KRT78: variants seen among roughly 807,000 people sequenced by gnomAD.
KRT78 encodes keratin, type II cytoskeletal 78.
In KRT78, 55 loss-of-function variants were observed where a neutral mutation model predicts 51.4. The ratio of observed to expected loss-of-function variants is 1.07; its 90% CI spans 0.86 to 1.34. The LOEUF is 1.34. Among genes scored for constraint, KRT78 ranks in the 40% most tolerant of loss-of-function variants. The pLI, the probability that KRT78 is intolerant of heterozygous loss-of-function variation, is 0.00. For missense variants in KRT78, 652 were observed against 649.4 expected (o/e 1.00, Z -0.04); for synonymous variants, 291 against 264.3 (o/e 1.10, Z -0.98).
intron 6 of KRT78, among the ~76,000 whole-genome samples, chr12:52,840,724 G>T (rs1176378575): frequency 1.3e-5 from 2 of 151,950 alleles, no homozygotes; most frequent in African/African-American, 4.8e-5. Flanking sequence ...GAAAGAAGAA[G>T]AGAGAGGCAG....
In KRT78 at chr12:52,846,759, C is replaced by T. The variant is rs772582121; in HGVS notation, c.660+5G>A. On this transcript the variant is annotated splice_donor_5th_base_variant and intron_variant, in intron 3 of 8. Coordinates refer to ENST00000304620, the MANE Select transcript of KRT78 (RefSeq NM_173352.4). The stretch of plus-strand genomic sequence containing the variant: ...CGTAAGTGGAGCACTGGCCCCCACC[C>T]TCACCTTCTTGAGGACCACAAAGTC... 1 of 1,613,198 alleles carries T rather than the reference C, an allele frequency of 6.2e-7. No individual in the cohort carries two copies. Among genetic ancestry groups the T allele is most frequent in the East Asian group, 2.2e-5 (1 of 44,856 alleles).
chr12:52,847,849 C>A, intron 2 of KRT78, 58 bp downstream of exon 2: 1 of 1,525,416 alleles, frequency 6.6e-7, no homozygotes. Context: ...CTGACAGACC[C>A]AAACTGAGTC....
chr12:52,841,169 T>C (rs1399950622), intron 6 of KRT78, among the ~76,000 whole-genome samples: 1 of 152,116 alleles, frequency 6.6e-6, no homozygotes. Context: ...TCAAAACATA[T>C]GCCTCAATTT....
At chr12:52,846,121 TCTC>T in intron 4 of KRT78, 73 bp downstream of exon 4, 1 of 983,716 alleles carries the variant, frequency 1.0e-6, no homozygotes, top group Non-Finnish European at 1.6e-6. Flanking sequence ...TCTTGGCCAT[TCTC>T]CTCATGGCCA....
At chr12:52,844,971 A>G (rs1382884827) in intron 4 of KRT78, among the ~76,000 whole-genome samples, 2 of 150,470 alleles carry the variant, frequency 1.3e-5, no homozygotes, top group Non-Finnish European at 3.0e-5. Flanking sequence ...AAGGCCCAAA[A>G]TCACCCAGCC....
intron 7 of KRT78, 27 bp from the exon 8 acceptor site, chr12:52,839,514 TGC>T: frequency 6.4e-7 from 1 of 1,556,508 alleles, no homozygotes; most frequent in East Asian, 2.4e-5. Flanking sequence ...AAGAGGGGGA[TGC>T]GCTAAGGAAT....
In KRT78 at chr12:52,839,135, A is replaced by G. The variant is rs987145923; in HGVS notation, c.1541T>C (p.Leu514Pro). The G allele has an allele frequency of 6.2e-7, 1 of 1,613,348 alleles. No homozygotes were observed. The highest frequency in any genetic ancestry group is 8.5e-7 in the Non-Finnish European group (1 of 1,179,848). Residue 514 changes from leucine to proline, a missense_variant, in exon 9 of 9, where the codon CTG becomes CCG. Coordinates refer to ENST00000304620, the MANE Select transcript of KRT78 (RefSeq NM_173352.4). ...TILKKTVESSLKTSITY is the reference protein window; with the variant it reads ...TILKKTVESSPKTSITY ...CGCTCAGTAGGTGATGGATGTCTTC[A>G]GACTCGACTCAACTGTCTTCTTCAG... is the stretch of plus-strand genomic sequence containing the variant.
intron 1 of KRT78, 152 bp downstream of exon 1, chr12:52,848,395 A>G: frequency 7.1e-7 from 1 of 1,402,382 alleles, no homozygotes; most frequent in Non-Finnish European, 9.7e-7. Context: ...ATAGCCAGAG[A>G]GAGTCCAGTT....
chr12:52,844,861 T>G (rs534902085), intron 4 of KRT78, 138 bp from the exon 5 acceptor site: 8 of 694,928 alleles, frequency 1.2e-5, no homozygotes, highest in Non-Finnish European at 1.9e-5. Context: ...GAGTATGCCC[T>G]GCTCACCATG....
At chr12:52,847,683 T>G (rs2120429927) in intron 2 of KRT78, among the ~76,000 whole-genome samples, 1 of 152,268 alleles carries the variant, frequency 6.6e-6, no homozygotes, top group Admixed American at 6.5e-5. Context: ...TCCCTGCCTT[T>G]CCTCCAAGGT....
intron 6 of KRT78, among the ~76,000 whole-genome samples, chr12:52,843,228 A>G (rs536414414): frequency 1.6e-4 from 24 of 150,806 alleles, no homozygotes; most frequent in African/African-American, 5.8e-4. Context: ...TTAGCCAAGC[A>G]TGGTGGTGAG....
At position 52,839,386 on chromosome 12, in the gene KRT78, C is replaced by T. The variant is rs754216215; in HGVS notation, c.1304-14G>A. 3 of 1,613,404 alleles carry T rather than the reference C, an allele frequency of 1.9e-6. No homozygotes were observed. Among genetic ancestry groups the T allele is most frequent in the Non-Finnish European group, 2.5e-6 (3 of 1,179,606 alleles). On this transcript the variant is annotated splice_polypyrimidine_tract_variant and intron_variant, in intron 8 of 8. Transcript: ENST00000304620. ...CTCCCACCGAGGCTGCCAAGAAACGCACCGGGTCAGAGCAGGGTCATCAGC... is the reference window on the plus strand; with the variant it reads ...CTCCCACCGAGGCTGCCAAGAAACGTACCGGGTCAGAGCAGGGTCATCAGC...
rs911743141 is a variant in KRT78, at chr12:52,846,309, A to C, written c.661-17T>G. 1.3e-6 allele frequency: 2 copies of C among 1,507,446 alleles called. No individual in the cohort carries two copies. The highest frequency in any genetic ancestry group is 2.8e-5 in the African/African-American group (2 of 72,594). The allele number at this position is 1,507,446 out of a possible 1,614,324, so 93.4% of individuals were successfully genotyped here. On this transcript the variant is annotated splice_polypyrimidine_tract_variant and intron_variant, in intron 3 of 8. Transcript: ENST00000304620. Reference sequence around the variant, plus strand: ...ATCCACATCCTGGAGACAAGGGGAGAGAGAACACGTAACCCCCTCTTCCTC... The same window carrying C: ...ATCCACATCCTGGAGACAAGGGGAGCGAGAACACGTAACCCCCTCTTCCTC...
rs761840493 is a variant in KRT78, at chr12:52,838,069, A to C, written c.*1044T>G. The C allele has an allele frequency of 5.3e-5, 8 of 152,192 alleles. No homozygotes were observed. Among genetic ancestry groups the C allele is most frequent in the Non-Finnish European group, 1.0e-4 (7 of 68,032 alleles). 9.4% of individuals were successfully genotyped at this position (152,192 alleles called of 1,614,324 possible). A position where few individuals can be genotyped will look rare whatever the true frequency, so the allele number is the denominator to read the frequency against. On this transcript the variant is annotated 3_prime_UTR_variant, in exon 9 of 9. Coordinates refer to ENST00000304620, the MANE Select transcript of KRT78 (RefSeq NM_173352.4). ...AAGCCTTCTTGCATAATTTGGATGG[A>C]GCGATTCATGAATCTGAGGAAAGGT...
At position 52,839,034 on chromosome 12, in the gene KRT78, C is replaced by G; in HGVS notation, c.*79G>C. Reference sequence around the variant, plus strand: ...GCTGGCTTGGGCTGTGGGCAGCGGACACGGAGTTGGCCTTGCAGAGCCGGC... The same window carrying G: ...GCTGGCTTGGGCTGTGGGCAGCGGAGACGGAGTTGGCCTTGCAGAGCCGGC... On this transcript the variant is annotated 3_prime_UTR_variant, in exon 9 of 9. Transcript: ENST00000304620. 2 of 1,520,438 alleles carry G rather than the reference C, an allele frequency of 1.3e-6. No individual in the cohort carries two copies. Among genetic ancestry groups the G allele is most frequent in the Non-Finnish European group, 1.8e-6 (2 of 1,128,324 alleles). The allele number at this position is 1,520,438 out of a possible 1,614,324, so 94.2% of individuals were successfully genotyped here.
intron 1 of KRT78, chr12:52,848,327 C>A (rs1473772733): frequency 1.3e-6 from 2 of 1,495,784 alleles, no homozygotes; most frequent in African/African-American, 2.8e-5. Context: ...GGCCTTCCCC[C>A]CGCTGGCTGG....
rs1940381488 is a variant in KRT78, at chr12:52,837,846, A to T, written c.*1267T>A. 1 of 152,258 alleles carries T rather than the reference A, an allele frequency of 6.6e-6. No individual in the cohort carries two copies. Among genetic ancestry groups the T allele is most frequent in the Non-Finnish European group, 1.5e-5 (1 of 68,048 alleles). The allele number at this position is 152,258 out of a possible 1,614,324, so 9.4% of individuals were successfully genotyped here. On this transcript the variant is annotated 3_prime_UTR_variant, in exon 9 of 9. Transcript: ENST00000304620. ...AATTTAATTGAACTACCTTGGATGA[A>T]TTTAGTTTCCTTCTGGGATCCTAGT...
At position 52,839,894 on chromosome 12, in the gene KRT78, C is replaced by T. The variant is rs936079172; in HGVS notation, c.1138G>A (p.Ala380Thr). 6 of 1,614,114 alleles carry T rather than the reference C, an allele frequency of 3.7e-6. No homozygotes were observed. Among genetic ancestry groups the T allele is most frequent in the Middle Eastern group, 3.3e-4 (2 of 6,060 alleles). The change falls in exon 7 of 9, where the codon GCT (alanine) becomes ACT (threonine). Residue 380 changes from alanine (A) to threonine (T), a missense_variant. Transcript: ENST00000304620. ...DAQAKVDELE[A>T]ALRMAKQNLA... ...TTCTGCTTGGCCATCCTCAGAGCAG[C>T]CTCCAGCTCGTCCACCTTGGCCTGA... is the stretch of plus-strand genomic sequence containing the variant.
Position 52,846,769 on chromosome 12 carries a change from T to C in KRT78, c.655A>G (p.Lys219Glu). ...GCACTGGCCCCCACCCTCACCTTCT[T>C]GAGGACCACAAAGTCGTTCTCAAGT... ...ATLENDFVVL[K>E]KDVDGVFLSK... Residue 219 changes from lysine to glutamate, a missense_variant, in exon 3 of 9, where the codon AAG (lysine) becomes GAG (glutamate). Coordinates refer to ENST00000304620, the MANE Select transcript of KRT78 (RefSeq NM_173352.4). 1 of 1,613,616 alleles carries C rather than the reference T, an allele frequency of 6.2e-7. No individual in the cohort carries two copies. Among genetic ancestry groups the C allele is most frequent in the Non-Finnish European group, 8.5e-7 (1 of 1,179,788 alleles).
Sources: gnomAD v4.1 joint callset for allele counts (sites outside exome capture counted in the v4.1 genomes callset) on GRCh38, gnomAD v4.1.1 for gene constraint, MANE v1.5 for transcripts, NCBI Gene and HGNC (gene_info 2026-07-23, HGNC 2026-07-21) for gene names.